The following MED13L variants were observed in gnomAD, a reference collection of about 807,000 sequenced individuals.
MED13L encodes the protein mediator complex subunit 13L.
Under a neutral mutation model 220.9 loss-of-function variants are expected in MED13L, and 7 were observed. The observed-to-expected ratio is 0.03, with a 90% confidence interval of 0.02 to 0.06. The LOEUF (loss-of-function observed/expected upper bound fraction) is 0.06, where lower values mean the gene tolerates loss of function less well. Ranked by LOEUF, MED13L falls within the 10% of genes least tolerant of loss-of-function variation. MED13L has a pLI of 1.00. For synonymous variants in MED13L, 1,011 were observed against 1,015.2 expected, an observed-to-expected ratio of 1.00 and a Z score of 0.08; for missense variants, 1,965 against 2,760.5, an observed-to-expected ratio of 0.71 and a Z score of 6.46.
intron 3 of MED13L, among the ~76,000 whole-genome samples, chr12:116,110,791 T>C (rs1043637351): frequency 6.6e-6 from 1 of 152,118 alleles, no homozygotes; most frequent in Non-Finnish European, 1.5e-5. Flanking sequence ...GTATTCCTAC[T>C]ACTAATAAAA....
At chr12:116,113,717 G>A (rs889185459) in intron 2 of MED13L, among the ~76,000 whole-genome samples, 6 of 127,102 alleles carry the variant, frequency 4.7e-5, no homozygotes, top group Non-Finnish European at 1.0e-4. Flanking sequence ...AGGAAGAGGG[G>A]AAGAGGGAGA....
intron 4 of MED13L, among the ~76,000 whole-genome samples, chr12:116,045,110 C>A (rs1400629015): frequency 6.6e-6 from 1 of 152,142 alleles, no homozygotes; most frequent in African/African-American, 2.4e-5. Flanking sequence ...GGGTAAAATG[C>A]ACCGTTATAT....
At chr12:116,168,209 C>T (rs1879424632) in intron 2 of MED13L, among the ~76,000 whole-genome samples, 1 of 151,688 alleles carries the variant, frequency 6.6e-6, no homozygotes, top group Non-Finnish European at 1.5e-5. Context: ...TTTATAAACC[C>T]TATATGTTAC....
intron 4 of MED13L, among the ~76,000 whole-genome samples, chr12:116,095,266 T>C (rs1872556766): frequency 6.6e-6 from 1 of 152,208 alleles, no homozygotes; most frequent in Non-Finnish European, 1.5e-5. Context: ...AAATCCCATT[T>C]CATCAAAGTA....
chr12:116,012,929 T>TTCACACATAA, intron 8 of MED13L, 28 bp from the exon 9 acceptor site: 1 of 1,513,712 alleles, frequency 6.6e-7, no homozygotes, highest in Non-Finnish European at 9.2e-7. Flanking sequence ...GTGACTTATG[T>TTCACACATAA]GTGAACATAA....
intron 14 of MED13L, among the ~76,000 whole-genome samples, chr12:115,998,570 T>C (rs1240167876): frequency 6.6e-6 from 1 of 152,208 alleles, no homozygotes; most frequent in Admixed American, 6.5e-5. Context: ...TGACTCTCAA[T>C]GGGCCTACTT....
intron 2 of MED13L, among the ~76,000 whole-genome samples, chr12:116,141,905 C>A (rs1482557309): frequency 6.6e-6 from 1 of 152,088 alleles, no homozygotes; most frequent in African/African-American, 2.4e-5. Flanking sequence ...TTGTCCCCCA[C>A]ACCCTACCCC....
At chr12:116,032,378 G>A (rs954920764) in intron 4 of MED13L, among the ~76,000 whole-genome samples, 2 of 152,052 alleles carry the variant, frequency 1.3e-5, no homozygotes, top group African/African-American at 4.8e-5. Flanking sequence ...AATTATAACA[G>A]GATAATAATG....
intron 2 of MED13L, among the ~76,000 whole-genome samples, chr12:116,118,037 G>A (rs536547822): frequency 4.2e-4 from 64 of 152,204 alleles, no homozygotes; most frequent in African/African-American, 1.4e-3. Context: ...TTGAATCCCT[G>A]AGCTCAAGTG....
chr12:116,277,196 G>T lies in MED13L; in HGVS notation c.-65C>A. On this transcript the variant is annotated 5_prime_UTR_variant, in exon 1 of 31. Coordinates refer to ENST00000281928, the MANE Select transcript of MED13L (RefSeq NM_015335.5). ...GAGCGAGGCGTCCGAGGCGAGGCCGGGCCGGGCGGCGGCGCCTCGCCGGGG... is the reference window on the plus strand; with the variant it reads ...GAGCGAGGCGTCCGAGGCGAGGCCGTGCCGGGCGGCGGCGCCTCGCCGGGG... 3.4e-6 allele frequency: 4 copies of T among 1,176,474 alleles called. No individual in the cohort carries two copies. The highest frequency in any genetic ancestry group is 3.4e-4 in the Middle Eastern group (1 of 2,924). 72.9% of individuals were successfully genotyped at this position (1,176,474 alleles called of 1,614,324 possible).
chr12:115,968,125 G>A lies in MED13L; in HGVS notation c.6225+815C>T, dbSNP rs541191688. The stretch of plus-strand genomic sequence containing the variant: ...GTGTCTAAATAAATGAGTGTGAGCA[G>A]GCTGCTTATGCTTGTTCAGTCTAAG... On this transcript the variant is annotated intron_variant, in intron 28 of 30. Coordinates refer to ENST00000281928, the MANE Select transcript of MED13L (RefSeq NM_015335.5). Among the ~76,000 whole-genome samples the A allele has an allele frequency of 2.8e-5, 4 of 141,402 alleles. No homozygotes were observed. The East Asian group carries it at 8.3e-4, about 29-fold the overall frequency. 92.8% of individuals were successfully genotyped at this position (141,402 alleles called of 152,430 possible). A position where few individuals can be genotyped will look rare whatever the true frequency, so the allele number is the denominator to read the frequency against.
intron 2 of MED13L, among the ~76,000 whole-genome samples, chr12:116,112,546 G>A (rs1191633532): frequency 6.6e-6 from 1 of 152,078 alleles, no homozygotes; most frequent in African/African-American, 2.4e-5. Context: ...AAATTACAAA[G>A]CTGAATTTTT....
At chr12:115,968,857 G>A in intron 28 of MED13L, 83 bp downstream of exon 28, 1 of 1,542,432 alleles carries the variant, frequency 6.5e-7, no homozygotes, top group Admixed American at 1.7e-5. Flanking sequence ...TGTGCAAGTA[G>A]GAACAAGATG....
intron 17 of MED13L, among the ~76,000 whole-genome samples, chr12:115,989,383 C>CA: frequency 6.6e-6 from 1 of 152,178 alleles, no homozygotes; most frequent in African/African-American, 2.4e-5. Flanking sequence ...AAAGCCCCCT[C>CA]TATGGTTCTT....
At chr12:116,031,700 G>C (rs1486382363) in intron 4 of MED13L, among the ~76,000 whole-genome samples, 1 of 30,772 alleles carries the variant, frequency 3.2e-5, no homozygotes, top group African/African-American at 9.2e-5. Flanking sequence ...GAAAAGAAAA[G>C]AAAAGAAAAG....
chr12:116,110,852 T>C (rs1000550574), intron 3 of MED13L, among the ~76,000 whole-genome samples: 2 of 152,028 alleles, frequency 1.3e-5, no homozygotes, highest in Admixed American at 6.6e-5. Flanking sequence ...TGAAAGTCAA[T>C]ATAAGGTTTG....
Position 116,265,400 on chromosome 12 carries a change from G to C in MED13L, c.72+11660C>G, listed in dbSNP as rs1289995010. On this transcript the variant is annotated intron_variant, in intron 1 of 30. Coordinates refer to ENST00000281928, the MANE Select transcript of MED13L (RefSeq NM_015335.5). ...CAACAATTCTAATTTGTCTGTGTAA[G>C]ACAGCAGTCCTAGAAAGGCTTTTAA... Among the ~76,000 whole-genome samples the C allele has an allele frequency of 7.2e-5, 11 of 152,300 alleles. No homozygotes were observed. The East Asian group carries it at 1.5e-3, about 21-fold the overall frequency.
intron 4 of MED13L, among the ~76,000 whole-genome samples, chr12:116,067,186 ACTC>A (rs1275481811): frequency 2.0e-5 from 3 of 152,144 alleles, no homozygotes; most frequent in Non-Finnish European, 4.4e-5. Context: ...TTTATTATAC[ACTC>A]CTATTAAAAA....
In MED13L at chr12:115,975,228, G is replaced by C; in HGVS notation, c.5674C>G (p.Leu1892Val). ...CGCCCGATTACAACTCTCCAGGGTA[G>C]AGATGTCATTTGGACAATCCCTATG... is the stretch of plus-strand genomic sequence containing the variant. ...WCIGIVQMTS[L>V]PWRVVIGRLG... The change falls in exon 25 of 31, where the codon CTA becomes GTA. Residue 1892 changes from leucine to valine, a missense_variant. Around this residue, in one of 10 missense-constraint regions of MED13L, gnomAD observed 23 missense variants for 67.1 expected, o/e 0.34. Transcript: ENST00000281928. The C allele has an allele frequency of 6.2e-7, 1 of 1,614,136 alleles. No individual in the cohort carries two copies. Among genetic ancestry groups the C allele is most frequent in the Non-Finnish European group, 8.5e-7 (1 of 1,180,028 alleles).
Sources: allele counts gnomAD v4.1 joint callset (sites outside exome capture counted in the v4.1 genomes callset), GRCh38; gene constraint gnomAD v4.1.1; regional missense constraint gnomAD v4.1.1; transcripts MANE v1.5; gene names NCBI Gene and HGNC (gene_info 2026-07-23, HGNC 2026-07-21).